Variants in NFATC1 observed in about 807,000 individuals in gnomAD.
NFATC1 encodes the protein nuclear factor of activated T cells 1.
NFATC1 carries 22 observed loss-of-function variants against 76.0 expected under a neutral mutation model. The observed-to-expected ratio is 0.29, with a 90% CI of 0.21 to 0.41. NFATC1 has a LOEUF of 0.41. Among genes scored for constraint, NFATC1 ranks in the 10% least tolerant of loss-of-function variants. The probability of loss-of-function intolerance (pLI) is 1.00; values close to 1 mark genes in which losing one functional copy is unlikely to be tolerated. For missense variants in NFATC1, 1,357 were observed against 1,337.7 expected (o/e 1.01, Z -0.23); for synonymous variants, 704 against 613.1 (o/e 1.15, Z -2.19).
intron 3 of NFATC1, 45 bp from the exon 4 acceptor site, chr18:79,448,737 T>G (rs892455293): frequency 1.3e-6 from 2 of 1,584,216 alleles, no homozygotes; most frequent in African/African-American, 2.7e-5. Flanking sequence ...CTCCCGGCGG[T>G]CTGTGCTCTG....
chr18:79,523,536 C>T (rs886277104), intron 9 of NFATC1, among the ~76,000 whole-genome samples: 3 of 152,238 alleles, frequency 2.0e-5, no homozygotes, highest in African/African-American at 2.4e-5. Context: ...GCTTGCGTGG[C>T]CCCAGCAAGG....
intron 9 of NFATC1, chr18:79,496,893 TCA>T (rs893846484): frequency 6.6e-6 from 1 of 152,190 alleles, no homozygotes; most frequent in African/African-American, 2.4e-5. Flanking sequence ...AAACTGAGGC[TCA>T]GAGAGATGCC....
chr18:79,519,062 C>T (rs1208258888), intron 9 of NFATC1, among the ~76,000 whole-genome samples: 3 of 152,218 alleles, frequency 2.0e-5, no homozygotes, highest in Admixed American at 1.3e-4. Context: ...TTCCAGGCTC[C>T]CTTTTGCTAA....
chr18:79,473,443 C>A (rs1224349819), intron 8 of NFATC1, among the ~76,000 whole-genome samples: 1 of 152,112 alleles, frequency 6.6e-6, no homozygotes, highest in African/African-American at 2.4e-5. Context: ...CTGAGGGAAG[C>A]GTGTTCTCAG....
At chr18:79,510,105 G>A (rs907860237) in intron 9 of NFATC1, among the ~76,000 whole-genome samples, 9 of 152,190 alleles carry the variant, frequency 5.9e-5, no homozygotes, top group African/African-American at 2.2e-4. Flanking sequence ...AGAAATTAGT[G>A]CTTAGTTTTC....
At chr18:79,403,752 AATTGAAGC>A (rs2085343612) in intron 1 of NFATC1, among the ~76,000 whole-genome samples, 2 of 152,246 alleles carry the variant, frequency 1.3e-5, no homozygotes, top group Non-Finnish European at 2.9e-5. Flanking sequence ...TCTTATGCAG[AATTGAAGC>A]TTTGGAAGAC....
intron 9 of NFATC1, chr18:79,493,489 C>T (rs931250217): frequency 9.2e-5 from 14 of 151,776 alleles, no homozygotes; most frequent in African/African-American, 2.9e-4. Flanking sequence ...ACGGTCGGCC[C>T]TTTCAGTCCC....
intron 2 of NFATC1, among the ~76,000 whole-genome samples, chr18:79,427,475 T>G (rs1346713548): frequency 1.4e-4 from 4 of 27,890 alleles, no homozygotes; most frequent in Non-Finnish European, 2.8e-4. Context: ...GTGGGGGCTG[T>G]ACCACTGGCC....
At position 79,410,959 on chromosome 18, in the gene NFATC1, C is replaced by T; in HGVS notation, c.684C>T (p.Cys228=). ...EEGFPRGLGA[C]TLLGSPRHSP... is the part of the protein sequence containing the mutation. The stretch of plus-strand genomic sequence containing the variant: ...GCTTTCCCCGCGGGCTGGGGGCCTG[C>T]ACACTGCTGGGTTCCCCGCGGCACT... Residue 228 remains cysteine, a synonymous_variant, in exon 2 of 10, where the codon TGC becomes TGT. Transcript: ENST00000427363. The surrounding 1 kb of genome is among the most constrained non-coding windows in gnomAD (Gnocchi z 6.7). The T allele has an allele frequency of 6.2e-7, 1 of 1,602,684 alleles. No homozygotes were observed. Among genetic ancestry groups the T allele is most frequent in the Non-Finnish European group, 8.5e-7 (1 of 1,175,334 alleles).
intron 2 of NFATC1, among the ~76,000 whole-genome samples, chr18:79,413,083 C>G (rs2085754015): frequency 6.6e-6 from 1 of 152,350 alleles, no homozygotes; most frequent in East Asian, 1.9e-4. Context: ...GTGGCACTGA[C>G]TCTCCAGCCC....
intron 9 of NFATC1, chr18:79,516,013 G>A (rs1478852050): frequency 6.6e-6 from 1 of 151,490 alleles, no homozygotes; most frequent in Non-Finnish European, 1.5e-5. Flanking sequence ...CTCGGTGGGG[G>A]GCGGAAGGAC....
chr18:79,464,650 G>C (rs8084704), intron 7 of NFATC1, among the ~76,000 whole-genome samples: 1,328 of 72,344 alleles, frequency 0.018, 11 homozygotes, highest in African/African-American at 0.02. Flanking sequence ...ATATGTGTTT[G>C]TGTGTGTGTG....
intron 9 of NFATC1, among the ~76,000 whole-genome samples, chr18:79,488,691 G>A (rs78015143): frequency 0.071 from 10,779 of 152,244 alleles, 540 homozygotes; most frequent in Admixed American, 0.1. Context: ...CAGCCCCTGC[G>A]CGAGGTGGAC....
intron 4 of NFATC1, 43 bp from the exon 5 acceptor site, chr18:79,450,911 G>A (rs369823289): frequency 2.7e-5 from 43 of 1,592,030 alleles, no homozygotes; most frequent in East Asian, 2.0e-4. Context: ...ACGCTCCCGC[G>A]TCAGCCATTG....
intron 6 of NFATC1, among the ~76,000 whole-genome samples, chr18:79,458,329 T>C (rs530454915): frequency 2.8e-4 from 30 of 107,950 alleles, no homozygotes; most frequent in African/African-American, 1.7e-3. Context: ...ACGAGGATGC[T>C]TTGGGGAGCA....
chr18:79,481,207 C>G (rs3786204), intron 8 of NFATC1, among the ~76,000 whole-genome samples: 93,244 of 152,134 alleles, frequency 0.61, 28,675 homozygotes, highest in African/African-American at 0.68. Context: ...CCACATGCTT[C>G]AAGCTGGAAC....
chr18:79,464,466 C>T (rs1325351991), intron 7 of NFATC1, among the ~76,000 whole-genome samples: 4 of 151,636 alleles, frequency 2.6e-5, no homozygotes, highest in Non-Finnish European at 5.9e-5. Flanking sequence ...AAAGGAACTT[C>T]ATACTCATCG....
At chr18:79,475,503 T>C (rs1019781595) in intron 8 of NFATC1, among the ~76,000 whole-genome samples, 1 of 137,200 alleles carries the variant, frequency 7.3e-6, no homozygotes, top group African/African-American at 2.8e-5. Context: ...GACGTTGCGA[T>C]GGAAGCGTGT....
Position 79,396,198 on chromosome 18 carries a change from G to C in NFATC1, c.-27G>C. ...CGCTTCTCCTGTGCCTCCGCCCGCC[G>C]CTCCACTCCCCGCCGCCGCCGCGCG... On this transcript the variant is annotated 5_prime_UTR_variant, in exon 1 of 10. Coordinates refer to ENST00000427363, the MANE Select transcript of NFATC1 (RefSeq NM_001278669.2). 6.8e-7 allele frequency: 1 copy of C among 1,460,600 alleles called. No individual in the cohort carries two copies. The highest frequency in any genetic ancestry group is 9.1e-7 in the Non-Finnish European group (1 of 1,096,110). The allele number at this position is 1,460,600 out of a possible 1,614,324, so 90.5% of individuals were successfully genotyped here. A position where few individuals can be genotyped will look rare whatever the true frequency, so the allele number is the denominator to read the frequency against.
Sources: gnomAD v4.1 joint callset for allele counts (sites outside exome capture counted in the v4.1 genomes callset) on GRCh38, gnomAD v4.1.1 for gene constraint, Gnocchi (gnomAD v3.1) non-coding constraint, MANE v1.5 for transcripts, NCBI Gene and HGNC (gene_info 2026-07-23, HGNC 2026-07-21) for gene names.